LAMB4: variants seen among roughly 807,000 people sequenced by gnomAD.
The protein encoded by LAMB4 is laminin subunit beta-4.
In LAMB4, 196 loss-of-function variants were observed where a neutral mutation model predicts 199.2. The observed-to-expected ratio is 0.98, with a 90% CI of 0.88 to 1.11. LAMB4 has a LOEUF of 1.11. LAMB4 is among the 50% of genes least tolerant of loss of function. The pLI, the probability that LAMB4 is intolerant of heterozygous loss-of-function variation, is 0.00. For synonymous variants in LAMB4, 744 were observed against 770.6 expected, an observed-to-expected ratio of 0.97 and a Z score of 0.57; for missense variants, 2,080 against 2,171.2, an observed-to-expected ratio of 0.96 and a Z score of 0.83.
chr7:108,109,252 A>T lies in LAMB4; in HGVS notation c.329-8T>A. On this transcript the variant is annotated splice_polypyrimidine_tract_variant and splice_region_variant and intron_variant, in intron 4 of 33. Coordinates refer to ENST00000388781, the MANE Select transcript of LAMB4 (RefSeq NM_007356.3). ...TGCTGACATGATCAAGACCTAAGGA[A>T]GAATCCAGAAAGAAGAAAATCAGTG... The T allele has an allele frequency of 6.2e-7, 1 of 1,604,962 alleles. No individual in the cohort carries two copies. Among genetic ancestry groups the T allele is most frequent in the Non-Finnish European group, 8.5e-7 (1 of 1,172,868 alleles).
intron 14 of LAMB4, among the ~76,000 whole-genome samples, chr7:108,091,237 A>T (rs2037389831): frequency 6.6e-6 from 1 of 152,212 alleles, no homozygotes; most frequent in East Asian, 1.9e-4. Context: ...TAGTGCAACA[A>T]TGATGAATGC....
At chr7:108,129,212 G>A (rs1003447356) in intron 1 of LAMB4, among the ~76,000 whole-genome samples, 7 of 152,194 alleles carry the variant, frequency 4.6e-5, no homozygotes, top group African/African-American at 1.7e-4. Context: ...CCAGCTCCTA[G>A]AACCACAGGT....
chr7:108,018,140 T>G, the LAMB4 span, among the ~76,000 whole-genome samples: 2 of 152,220 alleles, frequency 1.3e-5, no homozygotes, highest in Non-Finnish European at 1.5e-5. Context: ...CACAGGCACC[T>G]AAGGAGATGT....
rs147748460 is a variant in LAMB4 at position 108,126,295 on chromosome 7, T to A, written c.-33-3098A>T. On this transcript the variant is annotated intron_variant, in intron 1 of 33. Coordinates refer to ENST00000388781, the MANE Select transcript of LAMB4 (RefSeq NM_007356.3). ...ACACTTCAGTAGTGTTAATTACATT[T>A]ACATTGTGTGCAACCGATCTCCAGA... Among the ~76,000 whole-genome samples the A allele has an allele frequency of 2.6e-3, 397 of 152,328 alleles. 1 individual carries two copies. Among genetic ancestry groups the A allele is most frequent in the African/African-American group, 9.0e-3 (375 of 41,570 alleles).
chr7:108,079,501 C>T (rs189706080), intron 15 of LAMB4, 100 bp downstream of exon 15: 6 of 1,035,390 alleles, frequency 5.8e-6, no homozygotes, highest in African/African-American at 1.6e-5. Context: ...TTTACAAATC[C>T]TTTTCTGATG....
chr7:108,112,446 C>A (rs896890437), intron 3 of LAMB4, among the ~76,000 whole-genome samples: 38 of 151,896 alleles, frequency 2.5e-4, no homozygotes, highest in Non-Finnish European at 2.9e-4. Context: ...CATGCACCAC[C>A]ACACCCGGCT....
In LAMB4 at chr7:108,056,005, A is replaced by G. The variant is rs200242091; in HGVS notation, c.3382T>C (p.Cys1128Arg). Residue 1128 changes from cysteine (C) to arginine (R), a missense_variant and splice_region_variant, in exon 25 of 34, where the codon TGT (cysteine) becomes CGT (arginine). Coordinates refer to ENST00000388781, the MANE Select transcript of LAMB4 (RefSeq NM_007356.3). ...TGGGTACCTGCCCTGTTACAATCAC[A>G]TGCTAAAAAGGAAAACAGAAGGAGC... ...YGDPPGRCIP[C>R]DCNRAGTQKP... 5.2e-5 allele frequency: 84 copies of G among 1,602,238 alleles called. No homozygotes were observed. The East Asian group carries it at 8.3e-4, about 16-fold the overall frequency.
intron 14 of LAMB4, among the ~76,000 whole-genome samples, chr7:108,085,956 A>C (rs1255159391): frequency 6.6e-6 from 1 of 152,206 alleles, no homozygotes; most frequent in Non-Finnish European, 1.5e-5. Context: ...GGGTCAGAGC[A>C]TGCAATGAGT....
rs1318901227 is a variant in LAMB4 at position 108,093,714 on chromosome 7, C to G, written c.1471-1298G>C. ...AAAAAAATTCTCCTCCCACACATCT[C>G]AATTGAACATGCTCCGATAAAACTT... On this transcript the variant is annotated intron_variant, in intron 12 of 33. Transcript: ENST00000388781. Among the ~76,000 whole-genome samples, 3 of 152,152 alleles carry G rather than the reference C, an allele frequency of 2.0e-5. No homozygotes were observed. In the East Asian group the frequency reaches 5.8e-4, roughly 29 times the overall value.
intron 17 of LAMB4, among the ~76,000 whole-genome samples, chr7:108,072,292 C>T (rs2036559911): frequency 6.6e-6 from 1 of 152,144 alleles, no homozygotes; most frequent in African/African-American, 2.4e-5. Context: ...CCTATGTGAG[C>T]CATCTTCCTA....
At chr7:108,094,016 A>C (rs373512224) in intron 12 of LAMB4, among the ~76,000 whole-genome samples, 1 of 152,206 alleles carries the variant, frequency 6.6e-6, no homozygotes, top group East Asian at 1.9e-4. Context: ...CATGCTGGCC[A>C]CCTCAGGGCA....
At position 108,030,928 on chromosome 7, in the gene LAMB4, G is replaced by T. The variant is rs755641480; in HGVS notation, c.4870C>A (p.Arg1624=). 1 of 1,613,842 alleles carries T rather than the reference G, an allele frequency of 6.2e-7. No individual in the cohort carries two copies. The highest frequency in any genetic ancestry group is 1.3e-5 in the African/African-American group (1 of 74,980). Residue 1624 remains arginine, a synonymous_variant, in exon 32 of 34, where the codon CGA becomes AGA. Coordinates refer to ENST00000388781, the MANE Select transcript of LAMB4 (RefSeq NM_007356.3). ...GAAAGTCCATCCTCCAGCCCTGATC[G>T]CTGCTTTGCTAACTCCAGCTCACTC... is the stretch of plus-strand genomic sequence containing the variant. The part of the protein sequence containing the change: ...MKSELELAKQ[R]SGLEDGLSLL...
At chr7:108,052,457 G>A (rs1046873932) in intron 25 of LAMB4, among the ~76,000 whole-genome samples, 200 bp from the exon 26 acceptor site, 2 of 151,926 alleles carry the variant, frequency 1.3e-5, no homozygotes, top group African/African-American at 4.8e-5. Context: ...CTGGACTATT[G>A]CAACATTCAT....
At chr7:108,063,425 T>C (rs574414805) in intron 22 of LAMB4, among the ~76,000 whole-genome samples, 1 of 152,178 alleles carries the variant, frequency 6.6e-6, no homozygotes, top group Non-Finnish European at 1.5e-5. Flanking sequence ...TGCATGTTAA[T>C]ACACCTCACC....
chr7:108,052,641 C>T (rs2035861707), intron 25 of LAMB4, among the ~76,000 whole-genome samples: 1 of 152,150 alleles, frequency 6.6e-6, no homozygotes, highest in South Asian at 2.1e-4. Flanking sequence ...TAAAATAGAA[C>T]CGTTTACTTA....
chr7:108,073,749 G>T (rs1237274261), intron 17 of LAMB4, among the ~76,000 whole-genome samples: 1 of 152,198 alleles, frequency 6.6e-6, no homozygotes, highest in Admixed American at 6.5e-5. Context: ...AATGAAATGT[G>T]CAAGGACTTT....
chr7:108,050,467 T>C (rs539093871), intron 26 of LAMB4, among the ~76,000 whole-genome samples: 1 of 152,338 alleles, frequency 6.6e-6, no homozygotes, highest in South Asian at 2.1e-4. Flanking sequence ...TCTTAAGCAC[T>C]TCTCTACATT....
At chr7:108,079,502 T>C in intron 15 of LAMB4, 99 bp downstream of exon 15, 1 of 1,044,434 alleles carries the variant, frequency 9.6e-7, no homozygotes, top group East Asian at 2.5e-5. Flanking sequence ...TTACAAATCC[T>C]TTTCTGATGA....
chr7:108,127,764 A>C (rs1003116226), intron 1 of LAMB4, among the ~76,000 whole-genome samples: 1 of 152,132 alleles, frequency 6.6e-6, no homozygotes, highest in East Asian at 1.9e-4. Flanking sequence ...GCAACTCCCA[A>C]GTCTTTGCAC....
Sources: gnomAD v4.1 joint callset for allele counts (sites outside exome capture counted in the v4.1 genomes callset) on GRCh38, gnomAD v4.1.1 for gene constraint, MANE v1.5 for transcripts, NCBI Gene and HGNC (gene_info 2026-07-23, HGNC 2026-07-21) for gene names.